PEX7: variants seen among roughly 807,000 people sequenced by gnomAD.
The protein encoded by PEX7 is PTS2 receptor.
In PEX7, 34 loss-of-function variants were observed where a neutral mutation model predicts 47.5. The ratio of observed to expected loss-of-function variants is 0.72; its 90% CI spans 0.54 to 0.95. The LOEUF is 0.95. Among genes scored for constraint, PEX7 ranks in the 40% least tolerant of loss-of-function variants. The probability of loss-of-function intolerance (pLI) is 0.00; values close to 1 mark genes in which losing one functional copy is unlikely to be tolerated. For synonymous variants in PEX7, 141 were observed against 148.8 expected, an observed-to-expected ratio of 0.95 and a Z score of 0.38; for missense variants, 394 against 400.3, an observed-to-expected ratio of 0.98 and a Z score of 0.13.
intron 3 of PEX7, among the ~76,000 whole-genome samples, chr6:136,838,121 A>G (rs1003071797): frequency 6.6e-6 from 1 of 152,224 alleles, no homozygotes; most frequent in African/African-American, 2.4e-5. Context: ...TAATGAAATA[A>G]TGATTAGGCA....
rs58922622 is a variant in PEX7 at position 136,837,361 on chromosome 6, C to CAAAAAAAAAAAAAAAAAA, written c.340-8240_340-8239insAAAAAAAAAAAAAAAAAA. On this transcript the variant is annotated intron_variant, in intron 3 of 9. Coordinates refer to ENST00000318471, the MANE Select transcript of PEX7 (RefSeq NM_000288.4). Reference sequence around the variant, plus strand: ...TGGGCGACAGAGTGAGAGTCTGTCACAAAAAAAAAAAAAAGAAACTGAAAG... The same window carrying CAAAAAAAAAAAAAAAAAA: ...TGGGCGACAGAGTGAGAGTCTGTCACAAAAAAAAAAAAAAAAAAAAAAAAAAAAAAAAGAAACTGAAAG... Among the ~76,000 whole-genome samples, 77 of 83,362 alleles carry CAAAAAAAAAAAAAAAAAA rather than the reference C, an allele frequency of 9.2e-4. 1 individual carries two copies. Among genetic ancestry groups the CAAAAAAAAAAAAAAAAAA allele is most frequent in the African/African-American group, 1.3e-3 (28 of 21,228 alleles). The allele number at this position is 83,362 out of a possible 152,430, so 54.7% of individuals were successfully genotyped here. A position where few individuals can be genotyped will look rare whatever the true frequency, so the allele number is the denominator to read the frequency against.
At position 136,835,294 on chromosome 6, in the gene PEX7, C is replaced by CT. The variant is rs879819248; in HGVS notation, c.339+8837dup. On this transcript the variant is annotated intron_variant, in intron 3 of 9. Transcript: ENST00000318471. ...TGGGAGCTTACAAAAATTTTTTTTTCTTTTTTTTTTTTGAGACAAAGTCTT... is the reference window on the plus strand; with the variant it reads ...TGGGAGCTTACAAAAATTTTTTTTTCTTTTTTTTTTTTTGAGACAAAGTCTT... Among the ~76,000 whole-genome samples, 606 of 133,690 alleles carry CT rather than the reference C, an allele frequency of 4.5e-3. 1 individual carries two copies. The highest frequency in any genetic ancestry group is 7.6e-3 in the South Asian group (32 of 4,206). 87.7% of individuals were successfully genotyped at this position (133,690 alleles called of 152,430 possible).
rs117721346 is a variant in PEX7, at chr6:136,864,004, A to G, written c.527-2623A>G. 3.4e-3 allele frequency among the ~76,000 whole-genome samples: 513 copies of G among 152,296 alleles called. 9 individuals carry two copies. The South Asian group carries it at 0.041, about 12-fold the overall frequency. On this transcript the variant is annotated intron_variant, in intron 5 of 9. Transcript: ENST00000318471. ...GTAGTTGTAAAGCTGTAAAGTGTGC[A>G]TGCTGGGGACCCAGACTCCTTGGGT...
chr6:136,825,346 G>T, intron 2 of PEX7, 75 bp downstream of exon 2: 1 of 1,220,204 alleles, frequency 8.2e-7, no homozygotes, highest in South Asian at 1.2e-5. Flanking sequence ...TTGACTCTTT[G>T]ATTAATGTTT....
chr6:136,885,180 G>A (rs1775448286), intron 8 of PEX7, among the ~76,000 whole-genome samples: 1 of 152,300 alleles, frequency 6.6e-6, no homozygotes, highest in East Asian at 1.9e-4. Context: ...TCATTAGGAA[G>A]AGCAGCATTC....
intron 3 of PEX7, among the ~76,000 whole-genome samples, chr6:136,840,444 G>T (rs1774474977): frequency 6.6e-6 from 1 of 151,942 alleles, no homozygotes; most frequent in Non-Finnish European, 1.5e-5. Flanking sequence ...GCATGATTTT[G>T]ACCTTTGGGT....
chr6:136,835,751 A>G (rs1036056222), intron 3 of PEX7, among the ~76,000 whole-genome samples: 3 of 152,242 alleles, frequency 2.0e-5, no homozygotes, highest in African/African-American at 7.2e-5. Flanking sequence ...TAAGTGTGTT[A>G]TCTAGTAATT....
chr6:136,879,070 C>T (rs1430963633), intron 8 of PEX7, among the ~76,000 whole-genome samples: 3 of 151,994 alleles, frequency 2.0e-5, no homozygotes, highest in Non-Finnish European at 4.4e-5. Context: ...GTTCTACTTT[C>T]GCTTTTTTTT....
intron 8 of PEX7, among the ~76,000 whole-genome samples, chr6:136,879,558 C>T (rs1775339004): frequency 6.6e-6 from 1 of 152,124 alleles, no homozygotes; most frequent in African/African-American, 2.4e-5. Flanking sequence ...TCCTTTCCCT[C>T]CTCCTCGAGA....
Position 136,854,478 on chromosome 6 carries a change from C to T in PEX7, c.526+8297C>T, listed in dbSNP as rs111758695. 1.4e-3 allele frequency among the ~76,000 whole-genome samples: 216 copies of T among 152,242 alleles called. 1 individual carries two copies. The highest frequency in any genetic ancestry group is 4.6e-3 in the African/African-American group (191 of 41,552). On this transcript the variant is annotated intron_variant, in intron 5 of 9. Coordinates refer to ENST00000318471, the MANE Select transcript of PEX7 (RefSeq NM_000288.4). ...TTGGGATTACAGGTGTGAGCTACTG[C>T]GCCTGGCCTGTGTTTTTAATTTAGT...
chr6:136,830,978 C>T (rs1051115401), intron 3 of PEX7, among the ~76,000 whole-genome samples: 4 of 152,098 alleles, frequency 2.6e-5, no homozygotes, highest in Admixed American at 1.3e-4. Context: ...AATGTATTTG[C>T]TTATACATTT....
chr6:136,887,034 G>A (rs1189322729), intron 8 of PEX7, among the ~76,000 whole-genome samples: 1 of 151,878 alleles, frequency 6.6e-6, no homozygotes, highest in Non-Finnish European at 1.5e-5. Flanking sequence ...GCAACAGAGT[G>A]AGACCCTGTC....
At chr6:136,909,049 G>A (rs1775892026) in intron 9 of PEX7, among the ~76,000 whole-genome samples, 1 of 152,132 alleles carries the variant, frequency 6.6e-6, no homozygotes, top group Non-Finnish European at 1.5e-5. Context: ...CAGTATAGGT[G>A]TCTCTTTGCT....
At chr6:136,867,465 T>C (rs1024396125) in intron 6 of PEX7, among the ~76,000 whole-genome samples, 8 of 151,632 alleles carry the variant, frequency 5.3e-5, no homozygotes, top group African/African-American at 1.5e-4. Flanking sequence ...TAAACTAATA[T>C]GTGTGCGTCT....
At chr6:136,857,830 T>A (rs1194526587) in intron 5 of PEX7, among the ~76,000 whole-genome samples, 1 of 152,194 alleles carries the variant, frequency 6.6e-6, no homozygotes, top group Non-Finnish European at 1.5e-5. Context: ...GAGCATTACC[T>A]CTTTTTTTTT....
intron 3 of PEX7, among the ~76,000 whole-genome samples, chr6:136,836,642 A>T (rs577679466): frequency 6.6e-6 from 1 of 152,208 alleles, no homozygotes; most frequent in Non-Finnish European, 1.5e-5. Flanking sequence ...ATTCCTAATA[A>T]GATCAGTCTA....
Position 136,825,673 on chromosome 6 carries a change from A to G in PEX7, c.188+402A>G, listed in dbSNP as rs560106401. On this transcript the variant is annotated intron_variant, in intron 2 of 9. Transcript: ENST00000318471. ...CTCAGCCTCCCAAGTAGCTGGGATTATAGGTGCCCGCCACCACACCCGGCT... is the reference window on the plus strand; with the variant it reads ...CTCAGCCTCCCAAGTAGCTGGGATTGTAGGTGCCCGCCACCACACCCGGCT... 1.3e-4 allele frequency among the ~76,000 whole-genome samples: 20 copies of G among 152,152 alleles called. No individual in the cohort carries two copies. The East Asian group carries it at 3.5e-3, about 26-fold the overall frequency.
At chr6:136,841,112 G>A (rs1056251547) in intron 3 of PEX7, among the ~76,000 whole-genome samples, 1 of 152,102 alleles carries the variant, frequency 6.6e-6, no homozygotes, top group African/African-American at 2.4e-5. Flanking sequence ...TACATAGTAG[G>A]TGCTCAATAA....
intron 3 of PEX7, among the ~76,000 whole-genome samples, chr6:136,833,236 A>C (rs1212230162): frequency 6.6e-6 from 1 of 152,164 alleles, no homozygotes. Context: ...CAGGAGAGAG[A>C]GAGCAAGGGA....
Sources: allele counts gnomAD v4.1 joint callset (sites outside exome capture counted in the v4.1 genomes callset), GRCh38; gene constraint gnomAD v4.1.1; transcripts MANE v1.5; gene names NCBI Gene and HGNC (gene_info 2026-07-23, HGNC 2026-07-21).